The following VPS45 variants were observed in gnomAD, a reference collection of about 807,000 sequenced individuals.
The protein encoded by VPS45 is vacuolar protein sorting-associated protein 45.
VPS45 carries 35 observed loss-of-function variants against 75.9 expected under a neutral mutation model. The ratio of observed to expected loss-of-function variants is 0.46; its 90% CI spans 0.35 to 0.61. The LOEUF is 0.61. Ranked by LOEUF, VPS45 falls within the 20% of genes least tolerant of loss-of-function variation. VPS45 has a pLI of 0.00. For missense variants in VPS45, 559 were observed against 685.9 expected (o/e 0.81, Z 2.07); for synonymous variants, 220 against 238.2 (o/e 0.92, Z 0.70).
chr1:150,121,130 C>T (rs1215647365), intron 14 of VPS45, among the ~76,000 whole-genome samples: 1 of 152,042 alleles, frequency 6.6e-6, no homozygotes, highest in African/African-American at 2.4e-5. Flanking sequence ...GCTGGGATTA[C>T]AGGCATGAGC....
chr1:150,082,006 A>C lies in VPS45; in HGVS notation c.936+9A>C, dbSNP rs1655741114. On this transcript the variant is annotated intron_variant, in intron 9 of 14. Coordinates refer to ENST00000644510, the MANE Select transcript of VPS45 (RefSeq NM_007259.5). ...CAATAGCAGACATGAAGGTAAATTG[A>C]ACATGTACATGAATGACAAACATGT... 1 of 1,544,786 alleles carries C rather than the reference A, an allele frequency of 6.5e-7. No homozygotes were observed. Among genetic ancestry groups the C allele is most frequent in the Admixed American group, 1.7e-5 (1 of 59,080 alleles).
intron 10 of VPS45, among the ~76,000 whole-genome samples, chr1:150,085,418 T>G (rs1186957246): frequency 1.3e-5 from 2 of 152,168 alleles, no homozygotes; most frequent in Non-Finnish European, 2.9e-5. Flanking sequence ...ATAGTCACTT[T>G]AAAAATATAA....
chr1:150,093,410 TA>T, intron 12 of VPS45, 116 bp from the exon 13 acceptor site: 2 of 1,173,164 alleles, frequency 1.7e-6, no homozygotes, highest in Non-Finnish European at 2.3e-6. Context: ...CACAGTTACG[TA>T]AATCTATCCC....
Position 150,072,196 on chromosome 1 carries a change from C to A in VPS45, c.259C>A (p.Arg87=), listed in dbSNP as rs782463106. ...TGTGGATTATATTATTCAGGAGCTC[C>A]GAAGACCCAAATACACTATATATTT... The part of the protein sequence containing the change: ...ENVDYIIQEL[R]RPKYTIYFIY... The change falls in exon 3 of 15, where the codon CGA becomes AGA. Residue 87 remains arginine, a synonymous_variant. Transcript: ENST00000644510. 7 of 1,607,288 alleles carry A rather than the reference C, an allele frequency of 4.4e-6. No homozygotes were observed. In the East Asian group the frequency reaches 1.6e-4, roughly 36 times the overall value.
At chr1:150,083,096 T>C in intron 10 of VPS45, 1 of 457,884 alleles carries the variant, frequency 2.2e-6, no homozygotes, top group Non-Finnish European at 3.7e-6. Flanking sequence ...AGTTAATTAG[T>C]ATAAGGGCAG....
intron 1 of VPS45, 44 bp from the exon 2 acceptor site, chr1:150,068,586 T>C (rs1654852983): frequency 7.0e-7 from 1 of 1,435,432 alleles, no homozygotes; most frequent in Admixed American, 2.5e-5. Flanking sequence ...TTGTTTTTAT[T>C]ATTCTAGACT....
At chr1:150,072,454 T>A (rs1553797263) in intron 3 of VPS45, among the ~76,000 whole-genome samples, 1 of 152,074 alleles carries the variant, frequency 6.6e-6, no homozygotes, top group Non-Finnish European at 1.5e-5. Context: ...TCTGAGGAGT[T>A]TGAGACCAGC....
At chr1:150,105,610 TA>T (rs1657278824) in intron 13 of VPS45, among the ~76,000 whole-genome samples, 1 of 152,114 alleles carries the variant, frequency 6.6e-6, no homozygotes, top group Non-Finnish European at 1.5e-5. Flanking sequence ...AAAGAAATCA[TA>T]GATGACACAA....
At chr1:150,067,560 G>A (rs1050064591), upstream of VPS45, 11 of 392,212 alleles carry the variant, frequency 2.8e-5, no homozygotes, top group Non-Finnish European at 4.6e-5. Context: ...GCACCAAAGG[G>A]CAATAGGGGT....
rs146660821 is a variant in VPS45 at position 150,077,706 on chromosome 1, G to T, written c.614G>T (p.Arg205Leu). The change falls in exon 7 of 15, where the codon CGT becomes CTT. Residue 205 changes from arginine (R) to leucine (L), a missense_variant. Coordinates refer to ENST00000644510, the MANE Select transcript of VPS45 (RefSeq NM_007259.5). ...ITKEYELFEF[R>L]RTEVPPLLLI... ...AAAGAATATGAACTGTTTGAATTCC[G>T]TCGGACAGAGGTTCCTCCATTGCTC... The T allele has an allele frequency of 2.5e-6, 4 of 1,614,004 alleles. No individual in the cohort carries two copies. The highest frequency in any genetic ancestry group is 3.4e-6 in the Non-Finnish European group (4 of 1,179,946).
At chr1:150,119,061 A>C (rs373097489) in intron 14 of VPS45, among the ~76,000 whole-genome samples, 1 of 152,230 alleles carries the variant, frequency 6.6e-6, no homozygotes, top group Non-Finnish European at 1.5e-5. Context: ...GTAAATAGTG[A>C]AATTTATCAT....
At chr1:150,088,123 A>G (rs897495449) in intron 10 of VPS45, among the ~76,000 whole-genome samples, 9 of 152,150 alleles carry the variant, frequency 5.9e-5, no homozygotes, top group Admixed American at 1.3e-4. Context: ...ATAATACATT[A>G]TTGTTAACTC....
chr1:150,104,245 G>C (rs1657195417), intron 13 of VPS45, among the ~76,000 whole-genome samples: 2 of 152,068 alleles, frequency 1.3e-5, no homozygotes, highest in Admixed American at 1.3e-4. Flanking sequence ...TACCTGCCAT[G>C]TTTAACTCCC....
At chr1:150,078,632 C>T (rs1205562751) in intron 7 of VPS45, among the ~76,000 whole-genome samples, 1 of 151,744 alleles carries the variant, frequency 6.6e-6, no homozygotes, top group Admixed American at 6.6e-5. Flanking sequence ...TGTGGTTGCA[C>T]ACACCTGTAG....
chr1:150,131,386 G>A (rs1039483991), intron 14 of VPS45, among the ~76,000 whole-genome samples: 1 of 152,104 alleles, frequency 6.6e-6, no homozygotes, highest in Non-Finnish European at 1.5e-5. Context: ...GCGGGCGCCT[G>A]TAATCCAGAT....
intron 14 of VPS45, among the ~76,000 whole-genome samples, chr1:150,115,333 A>C (rs587610542): frequency 4.2e-4 from 64 of 152,246 alleles, no homozygotes; most frequent in African/African-American, 1.5e-3. Context: ...TTGTCTACTA[A>C]GTCCACTAAT....
At chr1:150,068,206 G>T (rs1231004527) in intron 1 of VPS45, 4 of 491,876 alleles carry the variant, frequency 8.1e-6, no homozygotes, top group Non-Finnish European at 1.1e-5. Context: ...TCCCCGCCAA[G>T]AAATCATTAA....
intron 10 of VPS45, among the ~76,000 whole-genome samples, chr1:150,085,344 A>G (rs1305126222): frequency 6.6e-6 from 1 of 152,156 alleles, no homozygotes; most frequent in Non-Finnish European, 1.5e-5. Context: ...GTGGAAAGCA[A>G]TTAGAAAAAG....
chr1:150,104,582 T>G (rs1018593207), intron 13 of VPS45, among the ~76,000 whole-genome samples: 1 of 152,148 alleles, frequency 6.6e-6, no homozygotes, highest in African/African-American at 2.4e-5. Flanking sequence ...TTGTTTTTCC[T>G]TTCTTGAGAC....
Sources: gnomAD v4.1 joint callset for allele counts (sites outside exome capture counted in the v4.1 genomes callset) on GRCh38, gnomAD v4.1.1 for gene constraint, MANE v1.5 for transcripts, NCBI Gene and HGNC (gene_info 2026-07-23, HGNC 2026-07-21) for gene names.